IL5RA: variants seen among roughly 807,000 people sequenced by gnomAD.
The protein encoded by IL5RA is interleukin 5 receptor subunit alpha.
IL5RA carries 49 observed loss-of-function variants against 50.0 expected under a neutral mutation model. The ratio of observed to expected loss-of-function variants is 0.98; its 90% CI spans 0.78 to 1.24. IL5RA has a LOEUF of 1.24. Among genes scored for constraint, IL5RA ranks in the 50% most tolerant of loss-of-function variants. The pLI, the probability that IL5RA is intolerant of heterozygous loss-of-function variation, is 0.00. For missense variants in IL5RA, 600 were observed against 500.4 expected (o/e 1.20, Z -1.90); for synonymous variants, 202 against 174.0 (o/e 1.16, Z -1.26).
At chr3:3,084,213 C>A (rs1032054431) in intron 9 of IL5RA, among the ~76,000 whole-genome samples, 1 of 152,158 alleles carries the variant, frequency 6.6e-6, no homozygotes, top group Non-Finnish European at 1.5e-5. Flanking sequence ...AGTGCTGGTA[C>A]ACAGGTGCTC....
At chr3:3,070,595 T>C (rs951400918) in intron 11 of IL5RA, among the ~76,000 whole-genome samples, 3 of 121,298 alleles carry the variant, frequency 2.5e-5, no homozygotes, top group Non-Finnish European at 5.0e-5. Flanking sequence ...TTTTTTTTTT[T>C]TTTTTAGACA....
At chr3:3,089,646 C>CT (rs200006367) in intron 9 of IL5RA, among the ~76,000 whole-genome samples, 6,784 of 145,752 alleles carry the variant, frequency 0.047, 212 homozygotes, top group Admixed American at 0.11. Context: ...ACCAAGATGT[C>CT]TTTTTTTTTT....
chr3:3,077,816 C>G (rs1471958939), intron 9 of IL5RA, among the ~76,000 whole-genome samples: 1 of 152,080 alleles, frequency 6.6e-6, no homozygotes, highest in Non-Finnish European at 1.5e-5. Context: ...AGACCATTTA[C>G]CAAATAGTGT....
chr3:3,067,101 A>C lies in IL5RA; in HGVS notation c.*3124T>G, dbSNP rs918645724. The C allele has an allele frequency of 6.6e-6, 1 of 152,236 alleles. No homozygotes were observed. The highest frequency in any genetic ancestry group is 1.5e-5 in the Non-Finnish European group (1 of 68,058). The allele number at this position is 152,236 out of a possible 1,614,324, so 9.4% of individuals were successfully genotyped here. A position where few individuals can be genotyped will look rare whatever the true frequency, so the allele number is the denominator to read the frequency against. ...TGAATTTCAAACTCTTTGACTTGCT[A>C]TGACAAGGCTGGTGAGAACAGTATA... On this transcript the variant is annotated 3_prime_UTR_variant, in exon 12 of 12. Transcript: ENST00000446632.
intron 9 of IL5RA, among the ~76,000 whole-genome samples, chr3:3,088,723 TGG>T (rs1448278193): frequency 1.3e-5 from 2 of 152,222 alleles, no homozygotes; most frequent in Non-Finnish European, 2.9e-5. Flanking sequence ...TCCATCATCT[TGG>T]TTTAAGTTTC....
chr3:3,106,945 T>C (rs557994026), intron 2 of IL5RA, among the ~76,000 whole-genome samples: 23 of 152,258 alleles, frequency 1.5e-4, no homozygotes, highest in African/African-American at 5.5e-4. Context: ...TGCAATTAAA[T>C]TGTTGAAGTA....
chr3:3,099,257 A>C (rs753003485), intron 5 of IL5RA, among the ~76,000 whole-genome samples: 5 of 152,188 alleles, frequency 3.3e-5, no homozygotes, highest in Non-Finnish European at 5.9e-5. Flanking sequence ...GTGCTCTGGG[A>C]GGCCAAGGCG....
chr3:3,109,996 G>C lies in IL5RA; in HGVS notation c.-197C>G, dbSNP rs116698979. The C allele has an allele frequency of 6.6e-6, 1 of 152,200 alleles. No individual in the cohort carries two copies. Among genetic ancestry groups the C allele is most frequent in the East Asian group, 1.9e-4 (1 of 5,196 alleles). The allele number at this position is 152,200 out of a possible 1,614,324, so 9.4% of individuals were successfully genotyped here. A position where few individuals can be genotyped will look rare whatever the true frequency, so the allele number is the denominator to read the frequency against. Reference sequence around the variant, plus strand: ...GAAGCAGCGGCAGGGCATTGAGAACGAACCTTATCTCTGGGTGCACTTTTT... The same window carrying C: ...GAAGCAGCGGCAGGGCATTGAGAACCAACCTTATCTCTGGGTGCACTTTTT... On this transcript the variant is annotated 5_prime_UTR_variant, in exon 1 of 12. Coordinates refer to ENST00000446632, the MANE Select transcript of IL5RA (RefSeq NM_175726.4).
rs1484326254 is a variant in IL5RA at position 3,095,176 on chromosome 3, T to G, written c.855+123A>C. ...GTTATATCTATAATACCTGGGTAGA[T>G]TAAGTTAACTTTGACCTTGTTAGTA... On this transcript the variant is annotated intron_variant, in intron 8 of 11. Coordinates refer to ENST00000446632, the MANE Select transcript of IL5RA (RefSeq NM_175726.4). 5 of 680,104 alleles carry G rather than the reference T, an allele frequency of 7.4e-6. No individual in the cohort carries two copies. In the African/African-American group the frequency reaches 9.0e-5, roughly 12 times the overall value. 42.1% of individuals were successfully genotyped at this position (680,104 alleles called of 1,614,324 possible). A position where few individuals can be genotyped will look rare whatever the true frequency, so the allele number is the denominator to read the frequency against.
intron 9 of IL5RA, chr3:3,089,849 C>T: frequency 5.9e-6 from 1 of 169,590 alleles, no homozygotes; most frequent in East Asian, 1.8e-4. Context: ...TGTCGATCTC[C>T]TGATCTGCCC....
At chr3:3,090,566 C>CT (rs1703046339) in intron 9 of IL5RA, among the ~76,000 whole-genome samples, 5 of 117,926 alleles carry the variant, frequency 4.2e-5, no homozygotes, top group Admixed American at 8.2e-5. Context: ...TTTTTCTTTT[C>CT]TTTCTTTTTT....
rs1219288260 is a variant in IL5RA at position 3,070,154 on chromosome 3, C to T, written c.*71G>A. ...ATTCTGAACACCTCTTAGCCAAGAGCCAGCATCCCTGTTCTTTTCACTGAG... is the reference window on the plus strand; with the variant it reads ...ATTCTGAACACCTCTTAGCCAAGAGTCAGCATCCCTGTTCTTTTCACTGAG... On this transcript the variant is annotated 3_prime_UTR_variant, in exon 12 of 12. Coordinates refer to ENST00000446632, the MANE Select transcript of IL5RA (RefSeq NM_175726.4). 2 of 982,898 alleles carry T rather than the reference C, an allele frequency of 2.0e-6. No homozygotes were observed. The highest frequency in any genetic ancestry group is 4.1e-5 in the Admixed American group (2 of 48,488). 60.9% of individuals were successfully genotyped at this position (982,898 alleles called of 1,614,324 possible). A position where few individuals can be genotyped will look rare whatever the true frequency, so the allele number is the denominator to read the frequency against.
chr3:3,078,795 C>G (rs1025168643), intron 9 of IL5RA, among the ~76,000 whole-genome samples: 1 of 150,762 alleles, frequency 6.6e-6, no homozygotes, highest in African/African-American at 2.4e-5. Context: ...GATCCCGCCA[C>G]TGCACTCCAG....
intron 2 of IL5RA, among the ~76,000 whole-genome samples, chr3:3,108,199 C>A (rs1462066509): frequency 6.6e-6 from 1 of 152,132 alleles, no homozygotes; most frequent in African/African-American, 2.4e-5. Flanking sequence ...AAGGTATAAA[C>A]TGCAAAAGAC....
In IL5RA at chr3:3,074,769, C is replaced by G; in HGVS notation, c.1176+13G>C. ...GGACACATACGGCATATCATAAGAA[C>G]TTTCAACATTACCTCATAGTTAGTG... On this transcript the variant is annotated intron_variant, in intron 11 of 11. Transcript: ENST00000446632. 1 of 1,525,128 alleles carries G rather than the reference C, an allele frequency of 6.6e-7. No individual in the cohort carries two copies. Among genetic ancestry groups the G allele is most frequent in the Non-Finnish European group, 9.1e-7 (1 of 1,099,092 alleles). 94.5% of individuals were successfully genotyped at this position (1,525,128 alleles called of 1,614,324 possible).
rs973757827 is a variant in IL5RA, at chr3:3,067,992, C to T, written c.*2233G>A. On this transcript the variant is annotated 3_prime_UTR_variant, in exon 12 of 12. Coordinates refer to ENST00000446632, the MANE Select transcript of IL5RA (RefSeq NM_175726.4). Reference sequence around the variant, plus strand: ...AGAGATCAGACAGGGTGCTCCAAGCCGCCCCAAAAGGACAGTTTTCTGGGG... The same window carrying T: ...AGAGATCAGACAGGGTGCTCCAAGCTGCCCCAAAAGGACAGTTTTCTGGGG... 3 of 152,286 alleles carry T rather than the reference C, an allele frequency of 2.0e-5. No individual in the cohort carries two copies. The highest frequency in any genetic ancestry group is 2.1e-4 in the South Asian group (1 of 4,826). The allele number at this position is 152,286 out of a possible 1,614,324, so 9.4% of individuals were successfully genotyped here. A position where few individuals can be genotyped will look rare whatever the true frequency, so the allele number is the denominator to read the frequency against.
At chr3:3,098,377 G>T in intron 5 of IL5RA, 87 bp from the exon 6 acceptor site, 1 of 1,172,996 alleles carries the variant, frequency 8.5e-7, no homozygotes, top group Non-Finnish European at 1.2e-6. Context: ...TGATGTGAAC[G>T]TCGTATTCAT....
At position 3,101,725 on chromosome 3, in the gene IL5RA, T is replaced by C. The variant is rs1465215412; in HGVS notation, c.334A>G (p.Ser112Gly). 1 of 1,614,126 alleles carries C rather than the reference T, an allele frequency of 6.2e-7. No homozygotes were observed. The highest frequency in any genetic ancestry group is 1.7e-5 in the Admixed American group (1 of 60,014). The change falls in exon 5 of 12, where the codon AGC (serine) becomes GGC (glycine). Residue 112 changes from serine (S) to glycine (G), a missense_variant. Ser to Gly is a moderately conservative substitution (Grantham distance 56, BLOSUM62 0). Coordinates refer to ENST00000446632, the MANE Select transcript of IL5RA (RefSeq NM_175726.4). ...GCATGAAGTTCAGCAGAAGCCCAGC[T>C]GCTGGCCAGTAGTGAGTGGTCGTTC... ...LQNDHSLLASSWASAELHAPP... is the reference protein window; with the variant it reads ...LQNDHSLLASGWASAELHAPP...
rs1340529992 is a variant in IL5RA at position 3,095,364 on chromosome 3, C to T, written c.790G>A (p.Ala264Thr). Residue 264 changes from alanine (A) to threonine (T), a missense_variant, in exon 8 of 12, where the codon GCT becomes ACT. Physicochemically the swap from Ala to Thr is moderately conservative, Grantham distance 58. Transcript: ENST00000446632. ...LSIQWEKPVS[A>T]FPIHCFDYEV... ...TAATCAAAGCAATGGATTGGAAAAG[C>T]AGACACTGGTTTCTCCCATTGGATA... 8 of 1,609,364 alleles carry T rather than the reference C, an allele frequency of 5.0e-6. No homozygotes were observed. Among genetic ancestry groups the T allele is most frequent in the South Asian group, 1.1e-5 (1 of 90,908 alleles).
Sources: gnomAD v4.1 joint callset for allele counts (sites outside exome capture counted in the v4.1 genomes callset) on GRCh38, gnomAD v4.1.1 for gene constraint, MANE v1.5 for transcripts, NCBI Gene and HGNC (gene_info 2026-07-23, HGNC 2026-07-21) for gene names.